Variants in MYO3B observed in about 807,000 individuals in gnomAD.
MYO3B encodes myosin IIIB, also known as myosin-IIIb.
In MYO3B, 156 loss-of-function variants were observed where a neutral mutation model predicts 174.6. The ratio of observed to expected loss-of-function variants is 0.89; its 90% CI spans 0.78 to 1.02. MYO3B has a LOEUF of 1.02. Among genes scored for constraint, MYO3B ranks in the 50% least tolerant of loss-of-function variants. MYO3B has a pLI of 0.00. For synonymous variants in MYO3B, 563 were observed against 569.1 expected, an observed-to-expected ratio of 0.99 and a Z score of 0.15; for missense variants, 1,632 against 1,639.4, an observed-to-expected ratio of 1.00 and a Z score of 0.08.
intron 14 of MYO3B, among the ~76,000 whole-genome samples, chr2:170,389,177 G>C (rs1021139818): frequency 1.3e-5 from 2 of 152,212 alleles, no homozygotes; most frequent in African/African-American, 2.4e-5. Flanking sequence ...TCACAAGGCT[G>C]TTATGAGAAT....
intron 9 of MYO3B, among the ~76,000 whole-genome samples, chr2:170,377,301 C>A (rs1321990857): frequency 6.6e-6 from 1 of 152,160 alleles, no homozygotes; most frequent in African/African-American, 2.4e-5. Context: ...GTGTTTAAAC[C>A]AGTTTGGTGT....
At chr2:170,366,878 A>G (rs1034055876) in intron 8 of MYO3B, among the ~76,000 whole-genome samples, 7 of 152,310 alleles carry the variant, frequency 4.6e-5, no homozygotes, top group Admixed American at 4.6e-4. Flanking sequence ...CAGTGGAGGC[A>G]TCTTTTCATA....
At chr2:170,474,727 G>A (rs1233358864) in intron 25 of MYO3B, among the ~76,000 whole-genome samples, 4 of 100,280 alleles carry the variant, frequency 4.0e-5, no homozygotes, top group Non-Finnish European at 7.3e-5. Flanking sequence ...TGGGTGACAA[G>A]AGTGAAACTC....
chr2:170,542,453 C>T (rs901239891), intron 30 of MYO3B, among the ~76,000 whole-genome samples: 4 of 152,174 alleles, frequency 2.6e-5, no homozygotes, highest in African/African-American at 9.7e-5. Flanking sequence ...ATTATTCCTG[C>T]AGTAAGGAAA....
At chr2:170,567,888 C>T (rs945040390) in intron 32 of MYO3B, among the ~76,000 whole-genome samples, 2 of 152,176 alleles carry the variant, frequency 1.3e-5, no homozygotes, top group African/African-American at 4.8e-5. Context: ...CCTTTATATT[C>T]CATCTAACAA....
intron 7 of MYO3B, among the ~76,000 whole-genome samples, chr2:170,284,321 T>C (rs1476919039): frequency 6.6e-6 from 1 of 152,172 alleles, no homozygotes; most frequent in Non-Finnish European, 1.5e-5. Context: ...TAAATATCAT[T>C]ATCAGTTAAA....
rs143913589 is a variant in MYO3B at position 170,561,341 on chromosome 2, G to A, written c.3733+17353G>A. On this transcript the variant is annotated intron_variant, in intron 32 of 34. Transcript: ENST00000408978. The stretch of plus-strand genomic sequence containing the variant: ...GAGGATTGAACATATACTGCATAAA[G>A]GTTTTACTTACTAGTTATCTGTACC... Among the ~76,000 whole-genome samples the A allele has an allele frequency of 4.3e-3, 654 of 152,288 alleles. 6 individuals carry two copies. The highest frequency in any genetic ancestry group is 0.014 in the African/African-American group (597 of 41,554).
At chr2:170,601,950 A>G in intron 32 of MYO3B, 4 of 834,724 alleles carry the variant, frequency 4.8e-6, no homozygotes, top group Non-Finnish European at 6.1e-6. Flanking sequence ...TCTTGGGTGC[A>G]TTGGAATCCT....
intron 30 of MYO3B, among the ~76,000 whole-genome samples, chr2:170,538,878 A>C (rs1202678970): frequency 6.6e-6 from 1 of 152,254 alleles, no homozygotes; most frequent in Non-Finnish European, 1.5e-5. Context: ...TTTGATAGCC[A>C]TATACACTGC....
intron 25 of MYO3B, among the ~76,000 whole-genome samples, chr2:170,489,634 G>GGTGTGTGGGTGTGTGT (rs1686305225): frequency 7.2e-6 from 1 of 139,322 alleles, no homozygotes. Flanking sequence ...AACCAGTAGG[G>GGTGTGTGGGTGTGTGT]GTGTGTGTGT....
intron 7 of MYO3B, among the ~76,000 whole-genome samples, chr2:170,270,941 G>A (rs2093421295): frequency 6.6e-6 from 1 of 152,252 alleles, no homozygotes; most frequent in Admixed American, 6.5e-5. Flanking sequence ...ACTACAGCCA[G>A]TTCCACATCC....
chr2:170,237,608 A>G (rs781433783), intron 7 of MYO3B, among the ~76,000 whole-genome samples: 2 of 152,058 alleles, frequency 1.3e-5, no homozygotes, highest in Non-Finnish European at 2.9e-5. Flanking sequence ...TTCTGTGCCC[A>G]GCCAAGCTTC....
At chr2:170,190,447 T>C (rs1299832734) in intron 1 of MYO3B, among the ~76,000 whole-genome samples, 1 of 152,034 alleles carries the variant, frequency 6.6e-6, no homozygotes, top group African/African-American at 2.4e-5. Context: ...GGCAGCAAGA[T>C]CCCCCTGGTC....
rs746623588 is a variant in MYO3B, at chr2:170,236,040, A to G, written c.653A>G (p.Asp218Gly). 1.2e-6 allele frequency: 2 copies of G among 1,613,958 alleles called. No individual in the cohort carries two copies. The highest frequency in any genetic ancestry group is 1.7e-6 in the Non-Finnish European group (2 of 1,180,004). Residue 218 changes from aspartate to glycine, a missense_variant, in exon 7 of 35, where the codon GAC (aspartate) becomes GGC (glycine). Asp to Gly is a moderately conservative substitution (Grantham distance 94, BLOSUM62 -1). Transcript: ENST00000408978. ...QYDSSYDARC[D>G]VWSLGITAIE... ...GACTCTTCCTATGACGCTCGCTGTGACGTCTGGTCCTTGGGGATCACAGCT... is the reference window on the plus strand; with the variant it reads ...GACTCTTCCTATGACGCTCGCTGTGGCGTCTGGTCCTTGGGGATCACAGCT...
At chr2:170,246,998 A>C (rs546927768) in intron 7 of MYO3B, among the ~76,000 whole-genome samples, 1 of 152,290 alleles carries the variant, frequency 6.6e-6, no homozygotes, top group South Asian at 2.1e-4. Context: ...CATACTTGGC[A>C]GTTCTCAGTC....
intron 8 of MYO3B, among the ~76,000 whole-genome samples, chr2:170,347,654 C>G (rs1429309200): frequency 5.3e-5 from 8 of 152,110 alleles, no homozygotes; most frequent in Non-Finnish European, 1.2e-4. Context: ...TCACAGCTGG[C>G]AGAGCTATCA....
chr2:170,255,151 A>G (rs992011072), intron 7 of MYO3B, among the ~76,000 whole-genome samples: 10 of 152,202 alleles, frequency 6.6e-5, no homozygotes, highest in African/African-American at 2.4e-4. Flanking sequence ...GACTCTGTCA[A>G]CCTCAGAGAA....
chr2:170,273,275 A>G (rs2093438485), intron 7 of MYO3B, among the ~76,000 whole-genome samples: 1 of 152,032 alleles, frequency 6.6e-6, no homozygotes, highest in African/African-American at 2.4e-5. Context: ...GCCTGGAGCA[A>G]CCCACCTGCA....
In MYO3B at chr2:170,602,280, C is replaced by T. The variant is rs115423776; in HGVS notation, c.3734-49348C>T. ...ACACAGTCACCCAGTGCCCGTCCGG[C>T]TCTCACTTGCCCCGGCACTGTCTCT... On this transcript the variant is annotated intron_variant, in intron 32 of 34. Coordinates refer to ENST00000408978, the MANE Select transcript of MYO3B (RefSeq NM_138995.5). The T allele has an allele frequency of 1.2e-3, 914 of 751,650 alleles. 6 individuals are homozygous for T. The African/African-American group carries it at 0.014, about 12-fold the overall frequency. The allele number at this position is 751,650 out of a possible 1,614,324, so 46.6% of individuals were successfully genotyped here.
Sources: allele counts gnomAD v4.1 joint callset (sites outside exome capture counted in the v4.1 genomes callset), GRCh38; gene constraint gnomAD v4.1.1; transcripts MANE v1.5; gene names NCBI Gene and HGNC (gene_info 2026-07-23, HGNC 2026-07-21).